GRM7: variants seen among roughly 807,000 people sequenced by gnomAD.
The protein encoded by GRM7 is metabotropic glutamate receptor 7.
In GRM7, 35 loss-of-function variants were observed where a neutral mutation model predicts 84.5. The observed-to-expected ratio is 0.41, with a 90% confidence interval of 0.32 to 0.55. The LOEUF is 0.55. Ranked by LOEUF, GRM7 falls within the 20% of genes least tolerant of loss-of-function variation. GRM7 has a pLI of 0.19. For missense variants in GRM7, 1,003 were observed against 1,194.6 expected, an observed-to-expected ratio of 0.84 and a Z score of 2.36; for synonymous variants, 487 against 455.1, an observed-to-expected ratio of 1.07 and a Z score of -0.89.
intron 1 of GRM7, among the ~76,000 whole-genome samples, chr3:7,121,902 G>A (rs1693237519): frequency 6.6e-6 from 1 of 152,166 alleles, no homozygotes; most frequent in Non-Finnish European, 1.5e-5. Context: ...ATGGGTGAAA[G>A]TCATTATGGA....
chr3:7,296,467 T>G (rs897747493), intron 2 of GRM7, among the ~76,000 whole-genome samples: 3 of 151,388 alleles, frequency 2.0e-5, no homozygotes, highest in Admixed American at 6.6e-5. Flanking sequence ...TTTTATGTAT[T>G]CATTCACTGA....
chr3:7,696,726 A>C (rs745851316), intron 9 of GRM7, among the ~76,000 whole-genome samples: 3 of 152,170 alleles, frequency 2.0e-5, no homozygotes, highest in Non-Finnish European at 4.4e-5. Flanking sequence ...ACATTGTCTG[A>C]CAGTTGCTTT....
chr3:7,474,334 A>G (rs1415972832), intron 7 of GRM7, among the ~76,000 whole-genome samples: 1 of 151,946 alleles, frequency 6.6e-6, no homozygotes, highest in African/African-American at 2.4e-5. Flanking sequence ...CCCCTACCCT[A>G]TACCCTGTCC....
chr3:7,658,586 G>A (rs1699302200), intron 8 of GRM7, among the ~76,000 whole-genome samples: 1 of 152,182 alleles, frequency 6.6e-6, no homozygotes, highest in Non-Finnish European at 1.5e-5. Flanking sequence ...GATAGCTGAT[G>A]TAAAGCAAGT....
chr3:7,420,826 G>C (rs1050574230), intron 5 of GRM7, among the ~76,000 whole-genome samples: 2 of 152,124 alleles, frequency 1.3e-5, no homozygotes, highest in African/African-American at 4.8e-5. Flanking sequence ...TGAGGATTTA[G>C]TAAGGCATTC....
At chr3:7,011,281 T>C (rs1174567147) in intron 1 of GRM7, among the ~76,000 whole-genome samples, 1 of 152,216 alleles carries the variant, frequency 6.6e-6, no homozygotes, top group Non-Finnish European at 1.5e-5. Context: ...AATGTAGACA[T>C]AAGTGGAAAC....
chr3:7,491,099 A>G (rs1699501587), intron 7 of GRM7, among the ~76,000 whole-genome samples: 1 of 151,986 alleles, frequency 6.6e-6, no homozygotes, highest in Admixed American at 6.6e-5. Context: ...ATATAATAAT[A>G]AAAATCTACT....
intron 1 of GRM7, among the ~76,000 whole-genome samples, chr3:6,888,509 T>C (rs2124977300): frequency 6.6e-6 from 1 of 152,120 alleles, no homozygotes; most frequent in East Asian, 1.9e-4. Flanking sequence ...CATTGCTTGT[T>C]TTTCTCAGGT....
At chr3:7,695,634 G>C (rs1462947678) in intron 9 of GRM7, among the ~76,000 whole-genome samples, 3 of 152,110 alleles carry the variant, frequency 2.0e-5, no homozygotes, top group Non-Finnish European at 4.4e-5. Flanking sequence ...CATATACCTG[G>C]ATTCTAAATC....
chr3:7,381,722 C>T (rs1575250883), intron 4 of GRM7, among the ~76,000 whole-genome samples: 1 of 152,094 alleles, frequency 6.6e-6, no homozygotes, highest in African/African-American at 2.4e-5. Flanking sequence ...ATGTAAATAA[C>T]GTGCTTAGCA....
intron 2 of GRM7, among the ~76,000 whole-genome samples, chr3:7,201,477 CT>C (rs1005695937): frequency 1.3e-5 from 2 of 151,980 alleles, no homozygotes; most frequent in African/African-American, 2.4e-5. Context: ...TCACTCAGTT[CT>C]TTTTGAGTTT....
At chr3:6,896,776 T>A (rs1189546675) in intron 1 of GRM7, among the ~76,000 whole-genome samples, 1 of 152,204 alleles carries the variant, frequency 6.6e-6, no homozygotes, top group Admixed American at 6.5e-5. Context: ...CTATCTCCAC[T>A]TGTTTTCCTG....
chr3:6,998,476 C>G (rs900461713), intron 1 of GRM7, among the ~76,000 whole-genome samples: 1 of 152,148 alleles, frequency 6.6e-6, no homozygotes, highest in Non-Finnish European at 1.5e-5. Flanking sequence ...ATTCTGAGGT[C>G]TGGAAAATGG....
chr3:6,966,624 C>T (rs780172301), intron 1 of GRM7, among the ~76,000 whole-genome samples: 2 of 152,090 alleles, frequency 1.3e-5, no homozygotes, highest in Non-Finnish European at 2.9e-5. Context: ...GATGGAAAGG[C>T]CTATGTTTAA....
intron 1 of GRM7, among the ~76,000 whole-genome samples, chr3:6,997,412 C>T (rs1408048127): frequency 6.6e-6 from 1 of 152,142 alleles, no homozygotes; most frequent in Non-Finnish European, 1.5e-5. Context: ...GAAGCTTACA[C>T]TCACAGTAGA....
At chr3:7,511,695 A>C (rs1439094568) in intron 7 of GRM7, among the ~76,000 whole-genome samples, 2 of 152,222 alleles carry the variant, frequency 1.3e-5, no homozygotes, top group Non-Finnish European at 2.9e-5. Context: ...ACTACCTTTT[A>C]ATAAAGCTGT....
chr3:6,911,480 G>C (rs1382880908), intron 1 of GRM7, among the ~76,000 whole-genome samples: 1 of 152,046 alleles, frequency 6.6e-6, no homozygotes, highest in Non-Finnish European at 1.5e-5. Context: ...GTGTCCATCA[G>C]AGTTTTCTGT....
intron 2 of GRM7, among the ~76,000 whole-genome samples, chr3:7,172,961 ATGTATG>A (rs1008817083): frequency 1.2e-3 from 180 of 152,240 alleles, no homozygotes; most frequent in African/African-American, 4.1e-3. Context: ...AATTTATTAT[ATGTATG>A]TGTATGTGTA....
intron 1 of GRM7, among the ~76,000 whole-genome samples, chr3:6,875,843 A>C (rs1250608009): frequency 6.6e-6 from 1 of 152,152 alleles, no homozygotes; most frequent in Non-Finnish European, 1.5e-5. Context: ...ATTTTTGCAG[A>C]ACTCATTAAT....
Sources: allele counts gnomAD v4.1 joint callset (sites outside exome capture counted in the v4.1 genomes callset), GRCh38; gene constraint gnomAD v4.1.1; transcripts MANE v1.5; gene names NCBI Gene and HGNC (gene_info 2026-07-23, HGNC 2026-07-21).